Variants in ZFAND3 observed in about 807,000 individuals in gnomAD.
ZFAND3 encodes AN1-type zinc finger protein 3.
In ZFAND3, 10 loss-of-function variants were observed where a neutral mutation model predicts 29.6. That is an observed-to-expected ratio of 0.34 (90% CI 0.21 to 0.57). The LOEUF is 0.57. Ranked by LOEUF, ZFAND3 falls within the 20% of genes least tolerant of loss-of-function variation. The pLI is 0.86. For missense variants in ZFAND3, 230 were observed against 304.5 expected (o/e 0.76, Z 1.82); for synonymous variants, 128 against 112.6 (o/e 1.14, Z -0.87).
In ZFAND3 at chr6:37,869,768, T is replaced by A. The variant is rs76848624; in HGVS notation, c.71+49752T>A. On this transcript the variant is annotated intron_variant, in intron 1 of 5. Coordinates refer to ENST00000287218, the MANE Select transcript of ZFAND3 (RefSeq NM_021943.3). ...CCTCTAGTGATTCTCCTGCCTTGCC[T>A]CACAAAGTGCTGGTATTATAGATGT... Among the ~76,000 whole-genome samples, 1,426 of 151,898 alleles carry A rather than the reference T, an allele frequency of 9.4e-3. 18 individuals carry two copies. Among genetic ancestry groups the A allele is most frequent in the African/African-American group, 0.033 (1,373 of 41,406 alleles).
chr6:38,154,605 A>G lies in ZFAND3; in HGVS notation c.*2216A>G. 3 of 946,184 alleles carry G rather than the reference A, an allele frequency of 3.2e-6. No individual in the cohort carries two copies. Among genetic ancestry groups the G allele is most frequent in the Non-Finnish European group, 3.8e-6 (3 of 793,484 alleles). The allele number at this position is 946,184 out of a possible 1,614,324, so 58.6% of individuals were successfully genotyped here. A position where few individuals can be genotyped will look rare whatever the true frequency, so the allele number is the denominator to read the frequency against. ...CTTTTTTCTCCTGCTGAAAAAAAAA[A>G]TTAAACCAATCGTATGAAAGTTTGG... is the stretch of plus-strand genomic sequence containing the variant. On this transcript the variant is annotated 3_prime_UTR_variant, in exon 6 of 6. Transcript: ENST00000287218.
intron 3 of ZFAND3, among the ~76,000 whole-genome samples, chr6:38,072,840 A>G (rs1197362181): frequency 6.6e-6 from 1 of 152,222 alleles, no homozygotes; most frequent in East Asian, 1.9e-4. Flanking sequence ...TTTTTGATCC[A>G]TCAAAAAGAT....
At chr6:37,916,521 G>C (rs1037397107) in intron 1 of ZFAND3, among the ~76,000 whole-genome samples, 4 of 152,040 alleles carry the variant, frequency 2.6e-5, no homozygotes, top group African/African-American at 4.8e-5. Flanking sequence ...TTAGCTGGGC[G>C]TGGTGGCACG....
At chr6:37,943,696 G>A (rs948123384) in intron 2 of ZFAND3, among the ~76,000 whole-genome samples, 2 of 152,106 alleles carry the variant, frequency 1.3e-5, no homozygotes, top group African/African-American at 2.4e-5. Context: ...CTAGAAGTGC[G>A]AATCCCATTA....
intron 3 of ZFAND3, among the ~76,000 whole-genome samples, chr6:38,070,928 C>T (rs1764442219): frequency 6.6e-6 from 1 of 151,636 alleles, no homozygotes. Context: ...CCAGACATCT[C>T]CTGATAGTGA....
chr6:38,035,373 AT>A (rs1390263146), intron 2 of ZFAND3, among the ~76,000 whole-genome samples: 1 of 152,140 alleles, frequency 6.6e-6, no homozygotes, highest in Non-Finnish European at 1.5e-5. Context: ...TGCTGCTCTA[AT>A]TTTGCTTATT....
At chr6:37,955,214 G>A (rs1043575859) in intron 2 of ZFAND3, among the ~76,000 whole-genome samples, 5 of 151,886 alleles carry the variant, frequency 3.3e-5, no homozygotes, top group South Asian at 2.1e-4. Flanking sequence ...ATTGAAAACC[G>A]TTTGATACAT....
At chr6:37,948,767 C>T (rs33997846) in intron 2 of ZFAND3, among the ~76,000 whole-genome samples, 11,961 of 152,222 alleles carry the variant, frequency 0.079, 558 homozygotes, top group African/African-American at 0.13. Flanking sequence ...CATCCATGTT[C>T]CTGCAGAGGA....
chr6:38,135,712 T>C (rs1765826572), intron 5 of ZFAND3, among the ~76,000 whole-genome samples: 1 of 151,862 alleles, frequency 6.6e-6, no homozygotes, highest in East Asian at 1.9e-4. Flanking sequence ...GCCACTGCAT[T>C]CCAGCCTGGG....
intron 2 of ZFAND3, among the ~76,000 whole-genome samples, chr6:38,054,421 A>G (rs554174641): frequency 6.6e-6 from 1 of 151,336 alleles, no homozygotes; most frequent in Admixed American, 6.6e-5. Context: ...AAAACAAGGA[A>G]GCACACAAAA....
At chr6:38,006,315 ATT>A (rs1763047551) in intron 2 of ZFAND3, among the ~76,000 whole-genome samples, 1 of 152,182 alleles carries the variant, frequency 6.6e-6, no homozygotes, top group Non-Finnish European at 1.5e-5. Flanking sequence ...CTGTGATAGA[ATT>A]TGGGATAGTG....
intron 1 of ZFAND3, among the ~76,000 whole-genome samples, chr6:37,889,134 T>C (rs1389099801): frequency 6.6e-6 from 1 of 152,194 alleles, no homozygotes; most frequent in African/African-American, 2.4e-5. Context: ...CATTACGTAG[T>C]TAAAAAATGA....
At chr6:38,091,724 G>A in intron 4 of ZFAND3, among the ~76,000 whole-genome samples, 1 of 136,626 alleles carries the variant, frequency 7.3e-6, no homozygotes, top group Non-Finnish European at 1.5e-5. Flanking sequence ...CTCAGTTCCT[G>A]GCTCTACTAA....
At chr6:38,055,551 A>G (rs1764117957) in intron 2 of ZFAND3, among the ~76,000 whole-genome samples, 1 of 152,224 alleles carries the variant, frequency 6.6e-6, no homozygotes, top group African/African-American at 2.4e-5. Flanking sequence ...CCCCTGGCAG[A>G]GTGCTTGACT....
intron 1 of ZFAND3, 66 bp from the exon 2 acceptor site, chr6:37,929,893 T>A (rs575887553): frequency 2.1e-6 from 3 of 1,455,856 alleles, no homozygotes; most frequent in African/African-American, 2.8e-5. Context: ...TGACATCTTA[T>A]GTTTTGATTA....
intron 1 of ZFAND3, among the ~76,000 whole-genome samples, chr6:37,824,074 C>T (rs575550662): frequency 6.6e-6 from 1 of 152,314 alleles, no homozygotes; most frequent in East Asian, 1.9e-4. Flanking sequence ...CCGCGCCTGG[C>T]CGGTATATAT....
At chr6:38,054,248 G>A in intron 2 of ZFAND3, among the ~76,000 whole-genome samples, 1 of 149,582 alleles carries the variant, frequency 6.7e-6, no homozygotes, top group African/African-American at 2.5e-5. Flanking sequence ...ATTTAAGGTA[G>A]CTCGGTGTGG....
intron 2 of ZFAND3, among the ~76,000 whole-genome samples, chr6:37,957,743 G>A (rs147598938): frequency 9.0e-4 from 137 of 152,244 alleles, no homozygotes; most frequent in African/African-American, 3.2e-3. Context: ...AAGGACACAT[G>A]ATCTACTCTA....
intron 2 of ZFAND3, among the ~76,000 whole-genome samples, chr6:38,000,767 CAAAAA>C (rs1561961780): frequency 1.3e-5 from 2 of 152,060 alleles, no homozygotes; most frequent in African/African-American, 4.8e-5. Context: ...GACTAAAAGA[CAAAAA>C]GAAAAGATAT....
Sources: gnomAD v4.1 joint callset for allele counts (sites outside exome capture counted in the v4.1 genomes callset) on GRCh38, gnomAD v4.1.1 for gene constraint, MANE v1.5 for transcripts, NCBI Gene and HGNC (gene_info 2026-07-23, HGNC 2026-07-21) for gene names.